GABRB3: variants seen among roughly 807,000 people sequenced by gnomAD.
The protein encoded by GABRB3 is gamma-aminobutyric acid receptor subunit beta-3.
A neutral mutation model predicts 52.1 loss-of-function variants in GABRB3; 14 were observed. The ratio of observed to expected loss-of-function variants is 0.27; its 90% confidence interval spans 0.18 to 0.42. The LOEUF (loss-of-function observed/expected upper bound fraction) is 0.42. Ranked by LOEUF, GABRB3 falls within the 10% of genes least tolerant of loss-of-function variation. The probability of loss-of-function intolerance (pLI) is 1.00; values close to 1 mark genes in which losing one functional copy is unlikely to be tolerated. For missense variants in GABRB3, 307 were observed against 609.1 expected (o/e 0.50, Z 5.22); for synonymous variants, 260 against 232.3 (o/e 1.12, Z -1.08).
At chr15:26,649,133 T>C (rs192464651) in intron 3 of GABRB3, among the ~76,000 whole-genome samples, 104 of 152,244 alleles carry the variant, frequency 6.8e-4, no homozygotes, top group African/African-American at 2.4e-3. Flanking sequence ...TGCTACGATA[T>C]GCGTGTATGC....
intron 4 of GABRB3, among the ~76,000 whole-genome samples, chr15:26,609,894 TGA>T (rs1892003674): frequency 6.6e-6 from 1 of 152,176 alleles, no homozygotes; most frequent in Non-Finnish European, 1.5e-5. Context: ...GAACTGTTGT[TGA>T]CAGTTTCTTT....
chr15:26,556,288 A>G (rs564153592), intron 8 of GABRB3, among the ~76,000 whole-genome samples: 11 of 152,188 alleles, frequency 7.2e-5, no homozygotes, highest in Non-Finnish European at 1.5e-4. Context: ...TTCCTAAAAT[A>G]TGTCACCAGA....
At chr15:26,694,837 T>C (rs1888688060) in intron 3 of GABRB3, among the ~76,000 whole-genome samples, 1 of 152,132 alleles carries the variant, frequency 6.6e-6, no homozygotes. Context: ...ACAGATGGGT[T>C]ATGTAAGCAG....
Position 26,621,654 on chromosome 15 carries a change from A to G in GABRB3, c.241-120T>C. ...TACAGTGAATAACCAGGAGAAACGG[A>G]TGCCATTTTTATGCAGAATGGGAAG... On this transcript the variant is annotated intron_variant, in intron 3 of 8. Transcript: ENST00000311550. The surrounding 1 kb of genome is among the most constrained non-coding windows in gnomAD (Gnocchi z 4.1). 1.4e-6 allele frequency: 1 copy of G among 740,602 alleles called. No individual in the cohort carries two copies. 45.9% of individuals were successfully genotyped at this position (740,602 alleles called of 1,614,324 possible).
rs1381661174 is a variant in GABRB3, at chr15:26,544,870, G to C, written c.*2923C>G. 1 of 152,566 alleles carries C rather than the reference G, an allele frequency of 6.6e-6. No individual in the cohort carries two copies. The highest frequency in any genetic ancestry group is 1.9e-4 in the East Asian group (1 of 5,186). The allele number at this position is 152,566 out of a possible 1,614,324, so 9.5% of individuals were successfully genotyped here. On this transcript the variant is annotated 3_prime_UTR_variant, in exon 9 of 9. Transcript: ENST00000311550. ...ATAACGTTTCTGTCCTTACTCAAGA[G>C]GTCTGGGTGTGGGTAACAGCCACCT... is the stretch of plus-strand genomic sequence containing the variant.
intron 3 of GABRB3, among the ~76,000 whole-genome samples, chr15:26,665,977 T>C (rs1887697957): frequency 6.6e-6 from 1 of 152,140 alleles, no homozygotes; most frequent in Non-Finnish European, 1.5e-5. Flanking sequence ...ATAAAACCTT[T>C]CTCAATCTCA....
chr15:26,658,741 T>C (rs1026435192), intron 3 of GABRB3: 3 of 152,246 alleles, frequency 2.0e-5, no homozygotes, highest in Non-Finnish European at 2.9e-5. Flanking sequence ...GTGTAGGTGC[T>C]CACACATCTG....
At chr15:26,611,459 A>T (rs1447922672) in intron 4 of GABRB3, among the ~76,000 whole-genome samples, 1 of 152,176 alleles carries the variant, frequency 6.6e-6, no homozygotes, top group Non-Finnish European at 1.5e-5. Flanking sequence ...ACTGCAGTGA[A>T]TAATTTTGTA....
Position 26,660,500 on chromosome 15 carries a change from A to G in GABRB3, c.241-38966T>C, listed in dbSNP as rs762163758. On this transcript the variant is annotated intron_variant, in intron 3 of 8. Transcript: ENST00000311550. ...TTAATAGTTGCCTAATTTAGAATGAAAAGCAACTGGCAACTGCCCAAAATG... is the reference window on the plus strand; with the variant it reads ...TTAATAGTTGCCTAATTTAGAATGAGAAGCAACTGGCAACTGCCCAAAATG... Among the ~76,000 whole-genome samples the G allele has an allele frequency of 2.3e-3, 348 of 152,186 alleles. 1 individual carries two copies. The highest frequency in any genetic ancestry group is 3.7e-3 in the Non-Finnish European group (252 of 68,040).
chr15:26,654,894 A>G (rs1226295293), intron 3 of GABRB3, among the ~76,000 whole-genome samples: 3 of 152,116 alleles, frequency 2.0e-5, no homozygotes, highest in African/African-American at 7.2e-5. Context: ...GTACAACAGC[A>G]CGATCACGGC....
chr15:26,740,608 CCG>C (rs1890178396), intron 3 of GABRB3, among the ~76,000 whole-genome samples: 1 of 152,110 alleles, frequency 6.6e-6, no homozygotes, highest in Non-Finnish European at 1.5e-5. Flanking sequence ...TCCCTCTGTC[CCG>C]TGGGCACCCC....
At chr15:26,734,831 G>A (rs1020981102) in intron 3 of GABRB3, among the ~76,000 whole-genome samples, 1 of 151,488 alleles carries the variant, frequency 6.6e-6, no homozygotes. Flanking sequence ...TGGGAGGATG[G>A]CTTGAGCCTG....
chr15:26,772,231 G>A (rs1484580422), intron 3 of GABRB3, 171 bp downstream of exon 3: 3 of 549,526 alleles, frequency 5.5e-6, no homozygotes, highest in Non-Finnish European at 9.3e-6. Context: ...CCCGGGGCGG[G>A]TGCAGGGAGC....
At chr15:26,568,848 C>T (rs553492721) in intron 6 of GABRB3, among the ~76,000 whole-genome samples, 21 of 152,090 alleles carry the variant, frequency 1.4e-4, no homozygotes, top group Non-Finnish European at 2.9e-4. Context: ...GCAAGTGTGG[C>T]CTTGTTTCCC....
At chr15:26,689,597 C>G (rs1442691679) in intron 3 of GABRB3, among the ~76,000 whole-genome samples, 1 of 152,110 alleles carries the variant, frequency 6.6e-6, no homozygotes, top group African/African-American at 2.4e-5. Context: ...GTTAGCATGA[C>G]CCCAGAGTGG....
intron 7 of GABRB3, 24 bp from the exon 8 acceptor site, chr15:26,561,200 G>A: frequency 6.2e-7 from 1 of 1,612,590 alleles, no homozygotes; most frequent in African/African-American, 1.3e-5. Context: ...AAAGTGGTGA[G>A]AGGCTGAAAC....
chr15:26,642,321 T>A, intron 3 of GABRB3: 1 of 375,142 alleles, frequency 2.7e-6, no homozygotes, highest in Non-Finnish European at 5.1e-6. Flanking sequence ...CAGGACTGAC[T>A]ATGGGACTTG....
chr15:26,593,960 C>A (rs1485324366), intron 4 of GABRB3, among the ~76,000 whole-genome samples: 1 of 124,338 alleles, frequency 8.0e-6, no homozygotes, highest in Admixed American at 8.8e-5. Context: ...ATTTTGACAA[C>A]ATTTGTTCTT....
At chr15:26,716,098 A>T (rs1470988342) in intron 3 of GABRB3, among the ~76,000 whole-genome samples, 1 of 152,232 alleles carries the variant, frequency 6.6e-6, no homozygotes, top group Non-Finnish European at 1.5e-5. Context: ...GCTGATCAAT[A>T]TCCTGACTCA....
Sources: gnomAD v4.1 joint callset for allele counts (sites outside exome capture counted in the v4.1 genomes callset) on GRCh38, gnomAD v4.1.1 for gene constraint, Gnocchi (gnomAD v3.1) non-coding constraint, MANE v1.5 for transcripts, NCBI Gene and HGNC (gene_info 2026-07-23, HGNC 2026-07-21) for gene names.